Variants in ITPR1 observed in about 807,000 individuals in gnomAD.
ITPR1 encodes inositol 1,4,5-trisphosphate-gated calcium channel ITPR1.
Under a neutral mutation model 318.4 loss-of-function variants are expected in ITPR1, and 96 were observed. The ratio of observed to expected loss-of-function variants is 0.30; its 90% CI spans 0.26 to 0.36. The LOEUF (loss-of-function observed/expected upper bound fraction) is 0.36. ITPR1 is among the 10% of genes least tolerant of loss of function. The pLI, the probability that ITPR1 is intolerant of heterozygous loss-of-function variation, is 1.00. For missense variants in ITPR1, 2,440 were observed against 3,460.2 expected (o/e 0.71, Z 7.40); for synonymous variants, 1,312 against 1,289.9 (o/e 1.02, Z -0.37).
intron 16 of ITPR1, among the ~76,000 whole-genome samples, chr3:4,663,741 T>C (rs892091307): frequency 6.6e-6 from 1 of 152,214 alleles, no homozygotes. Context: ...TGATGCCATT[T>C]AGTCACCATT....
At chr3:4,741,754 G>T (rs1469182955) in intron 44 of ITPR1, among the ~76,000 whole-genome samples, 2 of 152,208 alleles carry the variant, frequency 1.3e-5, no homozygotes, top group African/African-American at 4.8e-5. Context: ...TTGTGAGGAA[G>T]ATCAGCCTTG....
rs778548882 is a variant in ITPR1, at chr3:4,706,158, C to T, written c.4658-9C>T. On this transcript the variant is annotated splice_polypyrimidine_tract_variant and intron_variant, in intron 36 of 61. Transcript: ENST00000649015. ...TTGTAGGCTCACGACTCATCTTTCT[C>T]CTGTGCAGCCAAGAGCCGGGCCATT... is the stretch of plus-strand genomic sequence containing the variant. The T allele has an allele frequency of 4.3e-6, 7 of 1,613,998 alleles. No homozygotes were observed. Among genetic ancestry groups the T allele is most frequent in the Non-Finnish European group, 5.9e-6 (7 of 1,179,860 alleles).
intron 32 of ITPR1, 139 bp downstream of exon 32, chr3:4,691,483 T>A: frequency 1.7e-6 from 1 of 597,308 alleles, no homozygotes. Context: ...TGCATATGTC[T>A]GTGTCATCTC....
At chr3:4,606,261 T>C (rs1381616155) in intron 4 of ITPR1, among the ~76,000 whole-genome samples, 3 of 151,612 alleles carry the variant, frequency 2.0e-5, no homozygotes, top group Non-Finnish European at 4.4e-5. Context: ...TAGGGTGGAG[T>C]AGGATGGAGG....
chr3:4,609,060 ATATATATATATAT>A lies in ITPR1; in HGVS notation c.164-18702_164-18690del, dbSNP rs1372743569. 9.1e-5 allele frequency among the ~76,000 whole-genome samples: 7 copies of A among 77,108 alleles called. 1 individual carries two copies. Among genetic ancestry groups the A allele is most frequent in the African/African-American group, 7.7e-4 (7 of 9,034 alleles). The allele number at this position is 77,108 out of a possible 152,430, so 50.6% of individuals were successfully genotyped here. A position where few individuals can be genotyped will look rare whatever the true frequency, so the allele number is the denominator to read the frequency against. On this transcript the variant is annotated intron_variant, in intron 4 of 61. Transcript: ENST00000649015. ...ACAACAACAACAACGAAATATATAT[ATATATATATATAT>A]ATATATATATATATATACACACACA...
intron 18 of ITPR1, among the ~76,000 whole-genome samples, chr3:4,668,125 A>T (rs1475154648): frequency 6.6e-6 from 1 of 151,678 alleles, no homozygotes; most frequent in Non-Finnish European, 1.5e-5. Flanking sequence ...ATTGACTGTA[A>T]TTACCCCATT....
At chr3:4,733,875 A>G (rs2043099646) in intron 43 of ITPR1, among the ~76,000 whole-genome samples, 1 of 152,222 alleles carries the variant, frequency 6.6e-6, no homozygotes, top group Non-Finnish European at 1.5e-5. Context: ...CAGGTAAAAG[A>G]TACAAAAACA....
intron 4 of ITPR1, among the ~76,000 whole-genome samples, chr3:4,521,818 C>T (rs1040401718): frequency 6.6e-5 from 10 of 152,016 alleles, no homozygotes; most frequent in Non-Finnish European, 1.5e-4. Flanking sequence ...TACTGTGAAC[C>T]GAGATCGCAC....
At chr3:4,557,918 A>T (rs1487349938) in intron 4 of ITPR1, among the ~76,000 whole-genome samples, 1 of 152,142 alleles carries the variant, frequency 6.6e-6, no homozygotes, top group African/African-American at 2.4e-5. Flanking sequence ...TTATGGTGAA[A>T]CCCTCTAGTT....
At chr3:4,592,968 C>G (rs4684426) in intron 4 of ITPR1, among the ~76,000 whole-genome samples, 17,929 of 152,154 alleles carry the variant, frequency 0.12, 1,740 homozygotes, top group East Asian at 0.39. Flanking sequence ...GCTGGGCACA[C>G]CAAGACCAAC....
intron 42 of ITPR1, among the ~76,000 whole-genome samples, chr3:4,729,980 G>C (rs1191765448): frequency 2.0e-5 from 3 of 147,858 alleles, no homozygotes; most frequent in Non-Finnish European, 4.5e-5. Context: ...GGTACATTAT[G>C]AACAGCTTAG....
At chr3:4,610,175 A>C (rs920047992) in intron 4 of ITPR1, among the ~76,000 whole-genome samples, 1 of 152,040 alleles carries the variant, frequency 6.6e-6, no homozygotes, top group Non-Finnish European at 1.5e-5. Context: ...TGTCCAGTGG[A>C]TCCTGCAAAG....
chr3:4,775,452 T>C lies in ITPR1; in HGVS notation c.6180+10T>C. 1 of 1,603,538 alleles carries C rather than the reference T, an allele frequency of 6.2e-7. No homozygotes were observed. The highest frequency in any genetic ancestry group is 8.5e-7 in the Non-Finnish European group (1 of 1,173,682). ...TTGCCATGAGAACCAGGTAATTAAA[T>C]TTCTGTTTTGGGATGGGGAAAAAAA... is the stretch of plus-strand genomic sequence containing the variant. On this transcript the variant is annotated intron_variant, in intron 47 of 61. Coordinates refer to ENST00000649015, the MANE Select transcript of ITPR1 (RefSeq NM_001378452.1).
chr3:4,697,129 C>T lies in ITPR1; in HGVS notation c.4282-18C>T. ...ACACCAAGATGGTTTTTCAGAAAAG[C>T]TTCTTTCTATCTTGCAGGTTAAAAT... is the stretch of plus-strand genomic sequence containing the variant. On this transcript the variant is annotated intron_variant, in intron 33 of 61. Coordinates refer to ENST00000649015, the MANE Select transcript of ITPR1 (RefSeq NM_001378452.1). 1 of 1,608,408 alleles carries T rather than the reference C, an allele frequency of 6.2e-7. No homozygotes were observed.
intron 37 of ITPR1, among the ~76,000 whole-genome samples, chr3:4,708,595 C>T (rs373826598): frequency 1.1e-4 from 16 of 152,326 alleles, no homozygotes; most frequent in East Asian, 9.6e-4. Flanking sequence ...AGTATTTTCT[C>T]GCCTGCTCAA....
At chr3:4,702,299 G>A (rs2094672360) in intron 35 of ITPR1, among the ~76,000 whole-genome samples, 1 of 152,128 alleles carries the variant, frequency 6.6e-6, no homozygotes, top group Non-Finnish European at 1.5e-5. Flanking sequence ...TTATGTCATT[G>A]AAGACCTTGC....
chr3:4,836,991 A>C, intron 61 of ITPR1, 56 bp downstream of exon 61: 2 of 1,391,902 alleles, frequency 1.4e-6, no homozygotes, highest in Non-Finnish European at 1.9e-6. Flanking sequence ...ACCCACACCC[A>C]CTATCACCAC....
intron 57 of ITPR1, 121 bp from the exon 58 acceptor site, chr3:4,814,302 A>G: frequency 8.8e-7 from 1 of 1,131,724 alleles, no homozygotes; most frequent in Non-Finnish European, 1.3e-6. Context: ...TTGGCTCTTG[A>G]TTCCTTAATT....
chr3:4,546,904 CT>C (rs35009321), intron 4 of ITPR1, among the ~76,000 whole-genome samples: 90,452 of 151,694 alleles, frequency 0.6, 27,094 homozygotes, highest in Admixed American at 0.63. Flanking sequence ...CCACTGAAGG[CT>C]TAACTTTGAG....
Sources: gnomAD v4.1 joint callset for allele counts (sites outside exome capture counted in the v4.1 genomes callset) on GRCh38, gnomAD v4.1.1 for gene constraint, MANE v1.5 for transcripts, NCBI Gene and HGNC (gene_info 2026-07-23, HGNC 2026-07-21) for gene names.